Variants in ST8SIA2 observed in about 807,000 individuals in gnomAD.
ST8SIA2 encodes the protein ST8 alpha-N-acetyl-neuraminide alpha-2,8-sialyltransferase 2, also known as alpha-2,8-sialyltransferase 8B.
A neutral mutation model predicts 37.6 loss-of-function variants in ST8SIA2; 22 were observed. The observed-to-expected ratio is 0.58, with a 90% CI of 0.42 to 0.83. The LOEUF is 0.83. Ranked by LOEUF, ST8SIA2 falls within the 40% of genes least tolerant of loss-of-function variation. The pLI is 0.00. For missense variants in ST8SIA2, 382 were observed against 484.7 expected (o/e 0.79, Z 1.99); for synonymous variants, 205 against 201.2 (o/e 1.02, Z -0.16).
chr15:92,415,045 T>G (rs1025263014), intron 1 of ST8SIA2, among the ~76,000 whole-genome samples: 1 of 152,168 alleles, frequency 6.6e-6, no homozygotes, highest in Non-Finnish European at 1.5e-5. Flanking sequence ...ACGGAGGTCA[T>G]GGCTGATGCC....
chr15:92,459,033 C>A (rs2049939413), intron 5 of ST8SIA2, among the ~76,000 whole-genome samples: 1 of 152,084 alleles, frequency 6.6e-6, no homozygotes, highest in Non-Finnish European at 1.5e-5. Flanking sequence ...TAGGCGAGCA[C>A]CCAGCACGTG....
intron 1 of ST8SIA2, among the ~76,000 whole-genome samples, chr15:92,426,152 T>C (rs1374026866): frequency 6.6e-6 from 1 of 152,098 alleles, no homozygotes; most frequent in Non-Finnish European, 1.5e-5. Context: ...AATGACAAGA[T>C]TTTGTAAAGC....
intron 5 of ST8SIA2, among the ~76,000 whole-genome samples, chr15:92,458,354 A>G (rs1030505057): frequency 1.3e-5 from 2 of 152,204 alleles, no homozygotes; most frequent in African/African-American, 4.8e-5. Context: ...GTCGCAGGCT[A>G]TCGGGCCAGA....
At chr15:92,437,671 A>T (rs1294524699) in intron 3 of ST8SIA2, among the ~76,000 whole-genome samples, 1 of 152,078 alleles carries the variant, frequency 6.6e-6, no homozygotes, top group East Asian at 1.9e-4. Context: ...GAAAGTGTCC[A>T]TACACGTCAC....
chr15:92,430,131 T>A lies in ST8SIA2; in HGVS notation c.161+20T>A. ...TAATAGGTTTGTAAATTAGATTTTG[T>A]GTTCATTTGTTTTTGCTGTAAGGCA... On this transcript the variant is annotated intron_variant, in intron 2 of 5. Transcript: ENST00000268164. 6.2e-7 allele frequency: 1 copy of A among 1,612,618 alleles called. No homozygotes were observed. The highest frequency in any genetic ancestry group is 8.5e-7 in the Non-Finnish European group (1 of 1,179,156).
At chr15:92,421,190 T>G (rs904892748) in intron 1 of ST8SIA2, 2 of 152,170 alleles carry the variant, frequency 1.3e-5, no homozygotes, top group Non-Finnish European at 2.9e-5. Flanking sequence ...TCCATGGTAG[T>G]TTTCACAGTG....
intron 3 of ST8SIA2, among the ~76,000 whole-genome samples, chr15:92,435,831 C>T (rs991033740): frequency 6.6e-6 from 1 of 152,120 alleles, no homozygotes; most frequent in Admixed American, 6.5e-5. Flanking sequence ...GTCAGCAACC[C>T]CAACTGCATT....
At chr15:92,444,153 T>A (rs995163776) in intron 4 of ST8SIA2, among the ~76,000 whole-genome samples, 2 of 152,188 alleles carry the variant, frequency 1.3e-5, no homozygotes, top group African/African-American at 4.8e-5. Flanking sequence ...GCTGTTGTGA[T>A]CTCTATCAAA....
intron 1 of ST8SIA2, among the ~76,000 whole-genome samples, chr15:92,399,591 C>A (rs572213035): frequency 6.6e-6 from 1 of 151,292 alleles, no homozygotes; most frequent in African/African-American, 2.4e-5. Flanking sequence ...TTGCTCAACA[C>A]GATGCATTTT....
At chr15:92,435,824 A>G (rs1222004547) in intron 3 of ST8SIA2, among the ~76,000 whole-genome samples, 1 of 152,096 alleles carries the variant, frequency 6.6e-6, no homozygotes, top group Non-Finnish European at 1.5e-5. Context: ...CCGTGGAGTC[A>G]GCAACCCCAA....
intron 5 of ST8SIA2, among the ~76,000 whole-genome samples, chr15:92,455,591 T>C (rs377058781): frequency 1.3e-5 from 2 of 152,192 alleles, no homozygotes; most frequent in South Asian, 4.1e-4. Flanking sequence ...GTATTCCCTA[T>C]TGACACACAC....
chr15:92,405,920 G>T (rs1469312736), intron 1 of ST8SIA2, among the ~76,000 whole-genome samples: 1 of 152,220 alleles, frequency 6.6e-6, no homozygotes, highest in Non-Finnish European at 1.5e-5. Flanking sequence ...AGGGCCCAGA[G>T]TGATGGGGGA....
At chr15:92,441,577 GCA>G (rs112388744) in intron 4 of ST8SIA2, among the ~76,000 whole-genome samples, 10,622 of 143,120 alleles carry the variant, frequency 0.074, 491 homozygotes, top group Middle Eastern at 0.15. Context: ...CACTGTGCAT[GCA>G]CACACACACA....
At chr15:92,419,638 T>C (rs566752342) in intron 1 of ST8SIA2, among the ~76,000 whole-genome samples, 1 of 151,970 alleles carries the variant, frequency 6.6e-6, no homozygotes, top group Admixed American at 6.6e-5. Context: ...CCCAGGCTCG[T>C]TGTATAGTAG....
chr15:92,463,135 T>A (rs970315387), intron 5 of ST8SIA2, among the ~76,000 whole-genome samples: 4 of 152,248 alleles, frequency 2.6e-5, no homozygotes, highest in African/African-American at 4.8e-5. Context: ...CTTGAGTTAC[T>A]TCCCCCCTCT....
At chr15:92,452,410 C>T (rs1282901282) in intron 5 of ST8SIA2, among the ~76,000 whole-genome samples, 5 of 152,182 alleles carry the variant, frequency 3.3e-5, no homozygotes, top group Non-Finnish European at 7.3e-5. Flanking sequence ...GGCAAACTTG[C>T]GGTCAGACCA....
At position 92,418,051 on chromosome 15, in the gene ST8SIA2, C is replaced by G. The variant is rs1340690616; in HGVS notation, c.99-11998C>G. ...CATAGGAGGTTGGGCTTCATGCAGA[C>G]CACAATCAAATCCTTGCTCTGCTGC... is the stretch of plus-strand genomic sequence containing the variant. On this transcript the variant is annotated intron_variant, in intron 1 of 5. Transcript: ENST00000268164. Among the ~76,000 whole-genome samples the G allele has an allele frequency of 5.3e-5, 8 of 152,158 alleles. No homozygotes were observed. In the East Asian group the frequency reaches 1.5e-3, roughly 29 times the overall value.
chr15:92,419,483 C>T (rs1267078854), intron 1 of ST8SIA2, among the ~76,000 whole-genome samples: 2 of 152,132 alleles, frequency 1.3e-5, no homozygotes, highest in Non-Finnish European at 1.5e-5. Flanking sequence ...CCCACAGCAA[C>T]GCAGAGATGA....
At chr15:92,418,685 G>T (rs1305474690) in intron 1 of ST8SIA2, among the ~76,000 whole-genome samples, 2 of 152,080 alleles carry the variant, frequency 1.3e-5, no homozygotes, top group East Asian at 3.9e-4. Flanking sequence ...GGGGAGAGAA[G>T]CTGTTTAGTT....
Sources: gnomAD v4.1 joint callset for allele counts (sites outside exome capture counted in the v4.1 genomes callset) on GRCh38, gnomAD v4.1.1 for gene constraint, MANE v1.5 for transcripts, NCBI Gene and HGNC (gene_info 2026-07-23, HGNC 2026-07-21) for gene names.